KSR2: variants seen among roughly 807,000 people sequenced by gnomAD.
The protein encoded by KSR2 is kinase suppressor of ras 2.
Under a neutral mutation model 107.8 loss-of-function variants are expected in KSR2, and 25 were observed. That is an observed-to-expected ratio of 0.23 (90% CI 0.17 to 0.32). The LOEUF is 0.32. Among genes scored for constraint, KSR2 ranks in the 10% least tolerant of loss-of-function variants. The pLI is 1.00. For synonymous variants in KSR2, 480 were observed against 507.0 expected (o/e 0.95, Z 0.71); for missense variants, 887 against 1,268.9 (o/e 0.70, Z 4.57).
chr12:117,782,985 G>T (rs1438853051), intron 3 of KSR2, among the ~76,000 whole-genome samples: 3 of 152,076 alleles, frequency 2.0e-5, no homozygotes, highest in Non-Finnish European at 2.9e-5. Context: ...TAAGATCCAT[G>T]GTGTTTAAGG....
At chr12:117,540,563 G>A (rs1356962231) in intron 9 of KSR2, among the ~76,000 whole-genome samples, 2 of 152,226 alleles carry the variant, frequency 1.3e-5, no homozygotes, top group Non-Finnish European at 2.9e-5. Context: ...TGAGATCATC[G>A]TGGATTCGGG....
At chr12:117,865,521 C>G (rs905365792) in intron 1 of KSR2, among the ~76,000 whole-genome samples, 4 of 152,112 alleles carry the variant, frequency 2.6e-5, no homozygotes, top group Admixed American at 6.6e-5. Flanking sequence ...GCTTTATCAA[C>G]TTCTTTTCTT....
intron 16 of KSR2, among the ~76,000 whole-genome samples, chr12:117,481,835 A>G (rs762159740): frequency 6.6e-6 from 1 of 152,106 alleles, no homozygotes; most frequent in Non-Finnish European, 1.5e-5. Flanking sequence ...CCCCTTATTC[A>G]AGGGGTGTCT....
chr12:117,870,377 G>T (rs537153748), intron 1 of KSR2, among the ~76,000 whole-genome samples: 1 of 152,256 alleles, frequency 6.6e-6, no homozygotes, highest in South Asian at 2.1e-4. Context: ...GAGGCGGGTG[G>T]ATCACCTGAG....
At chr12:117,846,751 A>G (rs935860476) in intron 3 of KSR2, among the ~76,000 whole-genome samples, 2 of 152,262 alleles carry the variant, frequency 1.3e-5, no homozygotes, top group East Asian at 1.9e-4. Context: ...AACTTGAAAC[A>G]TGGCTCCTGA....
chr12:117,859,139 CTTT>C (rs34697963), intron 2 of KSR2, among the ~76,000 whole-genome samples: 546 of 81,104 alleles, frequency 6.7e-3, no homozygotes, highest in African/African-American at 0.022. Context: ...ATGAGCTGAA[CTTT>C]TTTTTTTTTT....
chr12:117,535,665 G>A (rs1002329876), intron 10 of KSR2, among the ~76,000 whole-genome samples: 1 of 149,724 alleles, frequency 6.7e-6, no homozygotes, highest in Non-Finnish European at 1.5e-5. Context: ...GATGGCTCTA[G>A]GTGGCTCCAA....
rs139285304 is a variant in KSR2 at position 117,540,027 on chromosome 12, G to C, written c.1519-140C>G. The stretch of plus-strand genomic sequence containing the variant: ...CTTTCCTCAGCCACCAGATCCTTCC[G>C]AAGTCCCTCCCGCTTCATCAGCCCC... On this transcript the variant is annotated intron_variant, in intron 9 of 19. Transcript: ENST00000339824. The C allele has an allele frequency of 1.1e-3, 737 of 663,842 alleles. 8 individuals carry two copies. The African/African-American group carries it at 0.013, about 11-fold the overall frequency. The allele number at this position is 663,842 out of a possible 1,614,324, so 41.1% of individuals were successfully genotyped here.
At position 117,745,111 on chromosome 12, in the gene KSR2, G is replaced by A. The variant is rs372347426; in HGVS notation, c.986+15900C>T. ...CAGTCAGGAAGGGTGAAAAGAGGAG[G>A]CAAACTCAGGCCACCTGGTTCCAGA... is the stretch of plus-strand genomic sequence containing the variant. On this transcript the variant is annotated intron_variant, in intron 4 of 19. Coordinates refer to ENST00000339824, the MANE Select transcript of KSR2 (RefSeq NM_173598.6). Among the ~76,000 whole-genome samples the A allele has an allele frequency of 9.9e-5, 15 of 152,182 alleles. No individual in the cohort carries two copies. The South Asian group carries it at 3.1e-3, about 32-fold the overall frequency.
chr12:117,761,203 G>C lies in KSR2; in HGVS notation c.794C>G (p.Pro265Arg), dbSNP rs1888999690. 6.3e-7 allele frequency: 1 copy of C among 1,578,516 alleles called. No homozygotes were observed. Among genetic ancestry groups the C allele is most frequent in the Admixed American group, 1.8e-5 (1 of 55,984 alleles). ...CGGGGTCACGGTGGTGACGATGTTGGGGGTGCGCGGCGGGGTGCGGACCGC... is the reference window on the plus strand; with the variant it reads ...CGGGGTCACGGTGGTGACGATGTTGCGGGTGCGCGGCGGGGTGCGGACCGC... ...RHAVRTPPRT[P>R]NIVTTVTPPG... The change falls in exon 4 of 20, where the codon CCC becomes CGC. Residue 265 changes from proline to arginine, a missense_variant. Around this residue, in one of 8 missense-constraint regions of KSR2, gnomAD observed 399 missense variants for 479.5 expected, o/e 0.83. Transcript: ENST00000339824.
intron 4 of KSR2, among the ~76,000 whole-genome samples, chr12:117,731,865 C>G (rs4102775): frequency 0.18 from 24,640 of 137,380 alleles, 2,964 homozygotes; most frequent in Middle Eastern, 0.25. Context: ...TCACCAATCC[C>G]TAATCTCAAG....
chr12:117,657,140 G>C (rs1259812845), intron 5 of KSR2, among the ~76,000 whole-genome samples: 1 of 151,644 alleles, frequency 6.6e-6, no homozygotes, highest in Admixed American at 6.6e-5. Context: ...CTCTGGCTCT[G>C]CTGATTGGTT....
At chr12:117,847,099 C>T (rs1264988617) in intron 3 of KSR2, among the ~76,000 whole-genome samples, 1 of 152,222 alleles carries the variant, frequency 6.6e-6, no homozygotes, top group East Asian at 1.9e-4. Context: ...GGAGAAGTTA[C>T]AGGGGAAAGG....
At chr12:117,496,863 T>C (rs1873058142) in intron 14 of KSR2, among the ~76,000 whole-genome samples, 1 of 151,948 alleles carries the variant, frequency 6.6e-6, no homozygotes, top group Non-Finnish European at 1.5e-5. Flanking sequence ...ATTTTTTTTT[T>C]TTTTTGAGAC....
chr12:117,733,367 C>T (rs1386976300), intron 4 of KSR2, among the ~76,000 whole-genome samples: 2 of 152,332 alleles, frequency 1.3e-5, no homozygotes, highest in Middle Eastern at 3.4e-3. Context: ...TGCCTGAACA[C>T]GTCCCACTCT....
In KSR2 at chr12:117,458,995, T is replaced by G. The variant is rs180745500; in HGVS notation, c.*8204A>C. ...CACCACCACGCACACTGTTATTCCT[T>G]AAGGCCCCCATATGCCGTGACTTCC... On this transcript the variant is annotated 3_prime_UTR_variant, in exon 20 of 20. Transcript: ENST00000339824. 6.6e-6 allele frequency: 1 copy of G among 152,382 alleles called. No individual in the cohort carries two copies. The highest frequency in any genetic ancestry group is 1.5e-5 in the Non-Finnish European group (1 of 68,052). 9.4% of individuals were successfully genotyped at this position (152,382 alleles called of 1,614,324 possible).
intron 16 of KSR2, 57 bp from the exon 17 acceptor site, chr12:117,476,652 C>A (rs1421919193): frequency 5.2e-6 from 8 of 1,538,272 alleles, no homozygotes; most frequent in Non-Finnish European, 7.0e-6. Context: ...GGACCAGTCC[C>A]CCTGGCACTG....
intron 4 of KSR2, among the ~76,000 whole-genome samples, chr12:117,731,964 T>C (rs909462865): frequency 2.0e-5 from 3 of 148,054 alleles, no homozygotes; most frequent in African/African-American, 7.3e-5. Context: ...TCTGCTGACC[T>C]TCCCTCCACT....
In KSR2 at chr12:117,842,052, C is replaced by A. The variant is rs547236696; in HGVS notation, c.472+13376G>T. ...ACAGGGGTTCTCAAAGCGTGTTCCC[C>A]AAACCAGCAGCACCAGCGTCGCCTG... On this transcript the variant is annotated intron_variant, in intron 3 of 19. Transcript: ENST00000339824. The surrounding 1 kb of genome is among the most constrained non-coding windows in gnomAD (Gnocchi z 4.2). 1.2e-3 allele frequency among the ~76,000 whole-genome samples: 177 copies of A among 152,328 alleles called. No individual in the cohort carries two copies. Among genetic ancestry groups the A allele is most frequent in the African/African-American group, 4.1e-3 (171 of 41,572 alleles).
Sources: allele counts gnomAD v4.1 joint callset (sites outside exome capture counted in the v4.1 genomes callset), GRCh38; gene constraint gnomAD v4.1.1; regional missense constraint gnomAD v4.1.1; non-coding constraint Gnocchi (gnomAD v3.1); transcripts MANE v1.5; gene names NCBI Gene and HGNC (gene_info 2026-07-23, HGNC 2026-07-21).